The following COL12A1 variants were observed in gnomAD, a reference collection of about 807,000 sequenced individuals.
COL12A1 encodes the protein collagen type XII alpha 1 chain.
A neutral mutation model predicts 349.7 loss-of-function variants in COL12A1; 114 were observed. That is an observed-to-expected ratio of 0.33 (90% CI 0.28 to 0.38). The LOEUF is 0.38. Ranked by LOEUF, COL12A1 falls within the 10% of genes least tolerant of loss-of-function variation. COL12A1 has a pLI of 1.00. For synonymous variants in COL12A1, 1,369 were observed against 1,329.0 expected, an observed-to-expected ratio of 1.03 and a Z score of -0.66; for missense variants, 3,284 against 3,756.9, an observed-to-expected ratio of 0.87 and a Z score of 3.29.
At chr6:75,166,509 G>C (rs997190216) in intron 13 of COL12A1, among the ~76,000 whole-genome samples, 7 of 152,070 alleles carry the variant, frequency 4.6e-5, no homozygotes, top group African/African-American at 1.7e-4. Flanking sequence ...TACAACCCAA[G>C]TGGAAAAATA....
At chr6:75,192,652 G>A (rs569454167) in intron 3 of COL12A1, among the ~76,000 whole-genome samples, 5 of 152,176 alleles carry the variant, frequency 3.3e-5, no homozygotes, top group South Asian at 2.1e-4. Flanking sequence ...TCTTTCATTG[G>A]TTTTGGAGAC....
At chr6:75,186,235 A>G (rs1282075150) in intron 8 of COL12A1, among the ~76,000 whole-genome samples, 1 of 152,250 alleles carries the variant, frequency 6.6e-6, no homozygotes, top group African/African-American at 2.4e-5. Context: ...AAGGTCTAAT[A>G]TCCAGCATCT....
intron 51 of COL12A1, among the ~76,000 whole-genome samples, chr6:75,112,684 T>A (rs1356521672): frequency 6.6e-6 from 1 of 151,734 alleles, no homozygotes; most frequent in African/African-American, 2.4e-5. Context: ...TAAACATTTA[T>A]CTTAATTATT....
chr6:75,148,551 A>C (rs1767320172), intron 21 of COL12A1, 54 bp from the exon 22 acceptor site: 5 of 1,470,150 alleles, frequency 3.4e-6, no homozygotes, highest in African/African-American at 2.8e-5. Context: ...GAAAGGTGAC[A>C]ATATTTGAAA....
chr6:75,113,728 C>A lies in COL12A1; in HGVS notation c.7714G>T (p.Gly2572Ter). 6.3e-7 allele frequency: 1 copy of A among 1,589,076 alleles called. No individual in the cohort carries two copies. Among genetic ancestry groups the A allele is most frequent in the South Asian group, 1.2e-5 (1 of 86,882 alleles). Residue 2572 changes from glycine (G) to a stop codon, truncating the protein, a stop_gained, in exon 50 of 66, where the codon GGA becomes TGA. Coordinates refer to ENST00000322507, the MANE Select transcript of COL12A1 (RefSeq NM_004370.6). LOFTEE classifies it high-confidence loss of function. ...NQPTADLHPN[G>*]LPPSYTIILL... is the part of the protein sequence containing the mutation. ...ATAATCGTGTATGAAGGAGGGAGTCCATTTGGGTGTAGGTCTCTGTTGGAT... is the reference window on the plus strand; with the variant it reads ...ATAATCGTGTATGAAGGAGGGAGTCAATTTGGGTGTAGGTCTCTGTTGGAT...
chr6:75,168,772 G>C (rs977702871), intron 13 of COL12A1, among the ~76,000 whole-genome samples: 1 of 152,146 alleles, frequency 6.6e-6, no homozygotes, highest in African/African-American at 2.4e-5. Flanking sequence ...CGGGAGGTGT[G>C]CTGGGTCAGT....
Position 75,156,246 on chromosome 6 carries a change from T to G in COL12A1, c.3250+11A>C. ...TTCTCTCCCCCTCAAAATATAATTA[T>G]TATTTCATACCTGTTGTTCCTGATC... On this transcript the variant is annotated intron_variant, in intron 15 of 65. Coordinates refer to ENST00000322507, the MANE Select transcript of COL12A1 (RefSeq NM_004370.6). 6.2e-7 allele frequency: 1 copy of G among 1,612,552 alleles called. No homozygotes were observed. Among genetic ancestry groups the G allele is most frequent in the South Asian group, 1.1e-5 (1 of 90,898 alleles).
chr6:75,101,972 G>A (rs753510220), intron 57 of COL12A1, 27 bp downstream of exon 57: 6 of 1,613,190 alleles, frequency 3.7e-6, no homozygotes, highest in Non-Finnish European at 5.1e-6. Context: ...AATAGCACAT[G>A]ACAGGGCAAC....
chr6:75,094,890 A>T (rs900925816), intron 60 of COL12A1, among the ~76,000 whole-genome samples: 2 of 152,232 alleles, frequency 1.3e-5, no homozygotes, highest in African/African-American at 2.4e-5. Context: ...TTTTAAAGAA[A>T]CCCAGTAACC....
Position 75,138,463 on chromosome 6 carries a change from C to A in COL12A1, c.5215G>T (p.Gly1739Cys), listed in dbSNP as rs764434325. 4.3e-6 allele frequency: 7 copies of A among 1,613,726 alleles called. No individual in the cohort carries two copies. Among genetic ancestry groups the A allele is most frequent in the Middle Eastern group, 3.3e-4 (2 of 6,084 alleles). Residue 1739 changes from glycine (G) to cysteine (C), a missense_variant, in exon 29 of 66, where the codon GGC (glycine) becomes TGC (cysteine). Around this residue, in one of 2 missense-constraint regions of COL12A1, gnomAD observed 2,601 missense variants for 2,824.8 expected, o/e 0.92. Coordinates refer to ENST00000322507, the MANE Select transcript of COL12A1 (RefSeq NM_004370.6). Reference sequence around the variant, plus strand: ...AAACACCTACGTGTGCGCTCACTGCCAATCAGGTCATCACTTTCTGACTCA... The same window carrying A: ...AAACACCTACGTGTGCGCTCACTGCAAATCAGGTCATCACTTTCTGACTCA... ...PDESESDDLI[G>C]SERTLPILTT...
At chr6:75,166,927 G>A (rs1768340924) in intron 13 of COL12A1, among the ~76,000 whole-genome samples, 1 of 151,886 alleles carries the variant, frequency 6.6e-6, no homozygotes, top group Non-Finnish European at 1.5e-5. Context: ...AACAGAAGCT[G>A]GGCAGCCTAC....
At chr6:75,165,032 T>C (rs1018983846) in intron 14 of COL12A1, among the ~76,000 whole-genome samples, 1 of 152,190 alleles carries the variant, frequency 6.6e-6, no homozygotes, top group Non-Finnish European at 1.5e-5. Flanking sequence ...ATCAATCATC[T>C]CTAAGTGGCT....
At position 75,138,384 on chromosome 6, in the gene COL12A1, T is replaced by C. The variant is rs764040296; in HGVS notation, c.5231-44A>G. 4.4e-6 allele frequency: 7 copies of C among 1,608,558 alleles called. No individual in the cohort carries two copies. The South Asian group carries it at 4.5e-5, about 10-fold the overall frequency. On this transcript the variant is annotated intron_variant, in intron 29 of 65. Transcript: ENST00000322507. ...TGGGAACACATTACTAATATAGCTG[T>C]AGCCCTATTTTTTAAAAATTAACTT... is the stretch of plus-strand genomic sequence containing the variant.
intron 49 of COL12A1, among the ~76,000 whole-genome samples, chr6:75,113,990 G>A (rs1768961342): frequency 1.3e-5 from 2 of 151,676 alleles, no homozygotes; most frequent in South Asian, 2.1e-4. Context: ...AATTATAATC[G>A]ATTACTTCTA....
intron 21 of COL12A1, among the ~76,000 whole-genome samples, chr6:75,149,156 A>G (rs1767354253): frequency 6.6e-6 from 1 of 152,114 alleles, no homozygotes; most frequent in Admixed American, 6.6e-5. Context: ...GAACAGACTA[A>G]GACCTCTGAA....
chr6:75,159,677 ACT>A (rs977232222), intron 14 of COL12A1, among the ~76,000 whole-genome samples: 21 of 151,834 alleles, frequency 1.4e-4, no homozygotes, highest in African/African-American at 4.8e-4. Flanking sequence ...TTAAATTTTT[ACT>A]CAGTGGAACA....
intron 8 of COL12A1, among the ~76,000 whole-genome samples, chr6:75,185,184 T>C (rs1195886534): frequency 2.0e-5 from 3 of 152,142 alleles, no homozygotes; most frequent in African/African-American, 7.2e-5. Context: ...AGTCAAACTA[T>C]CCCTGTTTGC....
chr6:75,096,308 T>C (rs1439318242), intron 59 of COL12A1, among the ~76,000 whole-genome samples: 1 of 152,202 alleles, frequency 6.6e-6, no homozygotes, highest in Non-Finnish European at 1.5e-5. Flanking sequence ...AATCCCCCAT[T>C]ACCTAAAGAT....
At chr6:75,149,605 C>T (rs2149412631) in intron 21 of COL12A1, among the ~76,000 whole-genome samples, 1 of 151,912 alleles carries the variant, frequency 6.6e-6, no homozygotes, top group Non-Finnish European at 1.5e-5. Context: ...GGAAAATGGC[C>T]CAAATAATAA....
Sources: gnomAD v4.1 joint callset for allele counts (sites outside exome capture counted in the v4.1 genomes callset) on GRCh38, gnomAD v4.1.1 for gene constraint, gnomAD v4.1.1 regional missense constraint, MANE v1.5 for transcripts, NCBI Gene and HGNC (gene_info 2026-07-23, HGNC 2026-07-21) for gene names.